Variants in PTPRD observed in about 807,000 individuals in gnomAD.
PTPRD encodes the protein protein tyrosine phosphatase receptor type D.
A neutral mutation model predicts 214.5 loss-of-function variants in PTPRD; 34 were observed. That is an observed-to-expected ratio of 0.16 (90% CI 0.12 to 0.21). The LOEUF is 0.21. Among genes scored for constraint, PTPRD ranks in the 10% least tolerant of loss-of-function variants. The pLI is 1.00. For synonymous variants in PTPRD, 1,128 were observed against 845.7 expected, an observed-to-expected ratio of 1.33 and a Z score of -5.79; for missense variants, 2,545 against 2,398.7, an observed-to-expected ratio of 1.06 and a Z score of -1.27.
At chr9:8,332,060 GGTTCGTAACCATTCATC>G (rs1380432312) in intron 43 of PTPRD, among the ~76,000 whole-genome samples, 3 of 151,940 alleles carry the variant, frequency 2.0e-5, no homozygotes, top group Admixed American at 6.6e-5. Flanking sequence ...CCAAAGTGGG[GGTTCGTAACCATTCATC>G]ATGTCTGCAT....
intron 39 of PTPRD, among the ~76,000 whole-genome samples, chr9:8,342,895 G>C (rs1250783324): frequency 2.0e-5 from 3 of 152,134 alleles, no homozygotes; most frequent in African/African-American, 7.2e-5. Context: ...TGTGGCATTT[G>C]AAGTAGGACT....
intron 14 of PTPRD, among the ~76,000 whole-genome samples, chr9:8,607,585 C>T (rs947647048): frequency 1.3e-5 from 2 of 152,038 alleles, no homozygotes; most frequent in Non-Finnish European, 2.9e-5. Context: ...AGAAGTTGCA[C>T]TGAGCCAAGA....
intron 37 of PTPRD, among the ~76,000 whole-genome samples, chr9:8,382,362 A>G (rs530907130): frequency 4.6e-5 from 7 of 152,334 alleles, no homozygotes; most frequent in African/African-American, 1.7e-4. Flanking sequence ...GGAGAACCAC[A>G]GACATGAATG....
At chr9:8,593,731 T>C (rs1411056110) in intron 14 of PTPRD, among the ~76,000 whole-genome samples, 3 of 152,196 alleles carry the variant, frequency 2.0e-5, no homozygotes, top group Admixed American at 6.5e-5. Context: ...TTTAGTATTT[T>C]GGAAAATGCA....
intron 8 of PTPRD, among the ~76,000 whole-genome samples, chr9:9,487,812 G>C (rs773029185): frequency 1.3e-5 from 2 of 152,080 alleles, no homozygotes; most frequent in African/African-American, 4.8e-5. Context: ...CTTCAGTTTT[G>C]AGGGTCAAAA....
At chr9:10,039,373 A>G (rs1285127894) in intron 3 of PTPRD, among the ~76,000 whole-genome samples, 7 of 152,060 alleles carry the variant, frequency 4.6e-5, no homozygotes, top group Non-Finnish European at 1.0e-4. Context: ...CTATGTCAAA[A>G]TAAAGTTTTG....
At chr9:8,422,392 A>AAT (rs2131646758) in intron 35 of PTPRD, among the ~76,000 whole-genome samples, 1 of 152,236 alleles carries the variant, frequency 6.6e-6, no homozygotes, top group Non-Finnish European at 1.5e-5. Flanking sequence ...TTTAGGAGGT[A>AAT]ATATGATGGT....
chr9:9,317,635 T>C (rs1459673511), intron 9 of PTPRD, among the ~76,000 whole-genome samples: 4 of 152,116 alleles, frequency 2.6e-5, no homozygotes, highest in Non-Finnish European at 5.9e-5. Flanking sequence ...TCCACATTGA[T>C]GCTGATGTTA....
chr9:9,799,680 G>A (rs1253986144), intron 5 of PTPRD: 2 of 152,052 alleles, frequency 1.3e-5, no homozygotes, highest in Non-Finnish European at 2.9e-5. Context: ...ATAAAAAGGG[G>A]GGTAAGCATT....
chr9:10,207,354 T>C (rs1009946731), intron 3 of PTPRD, among the ~76,000 whole-genome samples: 2 of 152,156 alleles, frequency 1.3e-5, no homozygotes, highest in African/African-American at 4.8e-5. Context: ...TGCATTTATG[T>C]TCATGAGAGA....
intron 2 of PTPRD, among the ~76,000 whole-genome samples, chr9:10,518,014 G>C (rs770229389): frequency 2.6e-5 from 4 of 152,074 alleles, no homozygotes; most frequent in Non-Finnish European, 5.9e-5. Flanking sequence ...AATATATACA[G>C]GTATAAATTC....
intron 9 of PTPRD, among the ~76,000 whole-genome samples, chr9:9,203,430 TCA>T (rs1304309759): frequency 6.6e-6 from 1 of 152,186 alleles, no homozygotes; most frequent in African/African-American, 2.4e-5. Context: ...CATAGGAATC[TCA>T]GTCTGTTTTT....
intron 7 of PTPRD, among the ~76,000 whole-genome samples, chr9:9,709,574 T>A (rs984193848): frequency 2.6e-5 from 4 of 152,072 alleles, no homozygotes; most frequent in Admixed American, 1.3e-4. Flanking sequence ...GCAATCTATC[T>A]TAATACATAC....
At chr9:8,330,688 TATC>T (rs1209959191) in intron 44 of PTPRD, among the ~76,000 whole-genome samples, 2 of 152,156 alleles carry the variant, frequency 1.3e-5, no homozygotes, top group Non-Finnish European at 2.9e-5. Context: ...GAAACTTCAT[TATC>T]ATAGAGCCAA....
chr9:9,289,721 C>G (rs1950554879), intron 9 of PTPRD, among the ~76,000 whole-genome samples: 1 of 151,694 alleles, frequency 6.6e-6, no homozygotes, highest in Non-Finnish European at 1.5e-5. Flanking sequence ...ATTTTTCTTT[C>G]TGTGTATGGC....
At chr9:9,781,842 G>C (rs1218104546) in intron 5 of PTPRD, among the ~76,000 whole-genome samples, 2 of 150,426 alleles carry the variant, frequency 1.3e-5, no homozygotes, top group Non-Finnish European at 2.9e-5. Flanking sequence ...GCCCAGGCTG[G>C]AGTGCAGTGG....
At chr9:10,576,629 A>T (rs1430562867) in intron 2 of PTPRD, among the ~76,000 whole-genome samples, 1 of 151,912 alleles carries the variant, frequency 6.6e-6, no homozygotes, top group African/African-American at 2.4e-5. Context: ...TTGTCTCATC[A>T]CTGAAGCTTC....
chr9:9,495,659 G>C (rs1240655041), intron 8 of PTPRD, among the ~76,000 whole-genome samples: 1 of 152,040 alleles, frequency 6.6e-6, no homozygotes, highest in Admixed American at 6.5e-5. Flanking sequence ...TCCCCTCTCT[G>C]CTGAGAGCTG....
intron 3 of PTPRD, among the ~76,000 whole-genome samples, chr9:10,159,045 C>G (rs980414442): frequency 6.6e-6 from 1 of 152,072 alleles, no homozygotes; most frequent in Admixed American, 6.6e-5. Context: ...ACCTAGGAAG[C>G]CTTCTCACAC....
Sources: allele counts gnomAD v4.1 joint callset (sites outside exome capture counted in the v4.1 genomes callset), GRCh38; gene constraint gnomAD v4.1.1; transcripts MANE v1.5; gene names NCBI Gene and HGNC (gene_info 2026-07-23, HGNC 2026-07-21).